SGTA: variants seen among roughly 807,000 people sequenced by gnomAD.
The protein encoded by SGTA is small glutamine-rich tetratricopeptide repeat-containing protein alpha.
Under a neutral mutation model 44.3 loss-of-function variants are expected in SGTA, and 22 were observed. The observed-to-expected ratio is 0.50, with a 90% CI of 0.36 to 0.71. The LOEUF is 0.71. SGTA is among the 30% of genes least tolerant of loss of function. The probability of loss-of-function intolerance (pLI) is 0.00; values close to 1 mark genes in which losing one functional copy is unlikely to be tolerated. For synonymous variants in SGTA, 174 were observed against 177.6 expected, an observed-to-expected ratio of 0.98 and a Z score of 0.16; for missense variants, 341 against 435.9, an observed-to-expected ratio of 0.78 and a Z score of 1.94.
rs994700634 is a variant in SGTA, at chr19:2,767,984, T to C, written c.101-298A>G. On this transcript the variant is annotated intron_variant, in intron 2 of 11. Coordinates refer to ENST00000221566, the MANE Select transcript of SGTA (RefSeq NM_003021.4). The surrounding 1 kb of genome is among the most constrained non-coding windows in gnomAD (Gnocchi z 7.3). Reference sequence around the variant, plus strand: ...GGTCCCAATGCTGGGGCTGCCCGGCTGCGGCGTGGTGGGGGCTTGGCCCCA... The same window carrying C: ...GGTCCCAATGCTGGGGCTGCCCGGCCGCGGCGTGGTGGGGGCTTGGCCCCA... Among the ~76,000 whole-genome samples the C allele has an allele frequency of 5.3e-5, 8 of 152,188 alleles. No individual in the cohort carries two copies. The highest frequency in any genetic ancestry group is 1.9e-4 in the African/African-American group (8 of 41,520).
Position 2,781,852 on chromosome 19 carries a change from TTTTA to T in SGTA, c.-24+1377_-24+1380del, listed in dbSNP as rs1411728272. Among the ~76,000 whole-genome samples the T allele has an allele frequency of 5.3e-5, 8 of 150,858 alleles. No individual in the cohort carries two copies. The East Asian group carries it at 1.2e-3, about 22-fold the overall frequency. Reference sequence around the variant, plus strand: ...CACTGATCTAGGGTAGATTTTTTTTTTTTATTTTTGACAGGGTCTCGCTCTGTCG... The same window carrying T: ...CACTGATCTAGGGTAGATTTTTTTTTTTTTTGACAGGGTCTCGCTCTGTCG... On this transcript the variant is annotated intron_variant, in intron 1 of 11. Transcript: ENST00000221566.
chr19:2,763,786 T>C lies in SGTA; in HGVS notation c.393-29A>G, dbSNP rs774493814. Reference sequence around the variant, plus strand: ...GGGAAGAAAAGGCAGGGCAGGTCCCTCACTGGCGGCTCTGAGCCCAGCGGG... The same window carrying C: ...GGGAAGAAAAGGCAGGGCAGGTCCCCCACTGGCGGCTCTGAGCCCAGCGGG... On this transcript the variant is annotated intron_variant, in intron 5 of 11. Coordinates refer to ENST00000221566, the MANE Select transcript of SGTA (RefSeq NM_003021.4). This position sits in a 1 kb window ranked among gnomAD's most constrained non-coding sequence, Gnocchi z 5.8. The C allele has an allele frequency of 6.3e-7, 1 of 1,592,152 alleles. No individual in the cohort carries two copies. Among genetic ancestry groups the C allele is most frequent in the Non-Finnish European group, 8.6e-7 (1 of 1,164,268 alleles).
rs777274780 is a variant in SGTA at position 2,765,275 on chromosome 19, C to T, written c.303G>A (p.Gln101=). Residue 101 remains glutamine, a synonymous_variant, in exon 5 of 12, where the codon CAG becomes CAA. Transcript: ENST00000221566. The surrounding 1 kb of genome is among the most constrained non-coding windows in gnomAD (Gnocchi z 5.5). ...CAGCTTCAAAGTTTTCCACTTTCAT[C>T]TGCTCGTTTCCTACAGGGAGAGAGG... ...AERLKTEGNE[Q]MKVENFEAAV... is the part of the protein sequence containing the mutation. 5 of 1,611,034 alleles carry T rather than the reference C, an allele frequency of 3.1e-6. No individual in the cohort carries two copies. In the South Asian group the frequency reaches 3.3e-5, roughly 11 times the overall value.
At chr19:2,780,315 G>GC (rs1915543774) in intron 1 of SGTA, among the ~76,000 whole-genome samples, 1 of 152,130 alleles carries the variant, frequency 6.6e-6, no homozygotes, top group Non-Finnish European at 1.5e-5. Context: ...AGAGCCGGGT[G>GC]CCCTGCTCCT....
intron 5 of SGTA, among the ~76,000 whole-genome samples, chr19:2,764,359 C>T (rs564135290): frequency 1.9e-4 from 29 of 152,298 alleles, no homozygotes; most frequent in African/African-American, 4.6e-4. Flanking sequence ...TTGACATCCA[C>T]GTGGAATGCC....
chr19:2,767,802 C>T lies in SGTA; in HGVS notation c.101-116G>A. On this transcript the variant is annotated intron_variant, in intron 2 of 11. Coordinates refer to ENST00000221566, the MANE Select transcript of SGTA (RefSeq NM_003021.4). The surrounding 1 kb of genome is among the most constrained non-coding windows in gnomAD (Gnocchi z 7.3). The stretch of plus-strand genomic sequence containing the variant: ...CCCCAGGTGTGTTCATTCCCAAGGA[C>T]CCCAGAACGCAGGGGCCGCCGCCTG... The T allele has an allele frequency of 2.6e-6, 2 of 765,944 alleles. No individual in the cohort carries two copies. The highest frequency in any genetic ancestry group is 4.5e-6 in the Non-Finnish European group (2 of 442,170). The allele number at this position is 765,944 out of a possible 1,614,324, so 47.4% of individuals were successfully genotyped here. A position where few individuals can be genotyped will look rare whatever the true frequency, so the allele number is the denominator to read the frequency against.
In SGTA at chr19:2,763,130, G is replaced by C. The variant is rs1202354796; in HGVS notation, c.498-486C>G. ...CCCAGGAGGAGGCGGGTCCTGGGGA[G>C]ACTGGGCAGTTGAACAGGGCCCCTC... On this transcript the variant is annotated intron_variant, in intron 6 of 11. Coordinates refer to ENST00000221566, the MANE Select transcript of SGTA (RefSeq NM_003021.4). The surrounding 1 kb of genome is among the most constrained non-coding windows in gnomAD (Gnocchi z 5.8). Among the ~76,000 whole-genome samples the C allele has an allele frequency of 6.6e-6, 1 of 152,178 alleles. No individual in the cohort carries two copies. Among genetic ancestry groups the C allele is most frequent in the East Asian group, 1.9e-4 (1 of 5,174 alleles).
At position 2,761,407 on chromosome 19, in the gene SGTA, G is replaced by A; in HGVS notation, c.699+53C>T. The stretch of plus-strand genomic sequence containing the variant: ...GCCAGTAGCGGACACAGCAGATGCG[G>A]GCCTGGGGGGTGGCGCAGACACCAT... On this transcript the variant is annotated intron_variant, in intron 8 of 11. Coordinates refer to ENST00000221566, the MANE Select transcript of SGTA (RefSeq NM_003021.4). The surrounding 1 kb of genome is among the most constrained non-coding windows in gnomAD (Gnocchi z 5.7). 6.9e-7 allele frequency: 1 copy of A among 1,459,230 alleles called. No homozygotes were observed. Among genetic ancestry groups the A allele is most frequent in the South Asian group, 1.2e-5 (1 of 82,230 alleles). The allele number at this position is 1,459,230 out of a possible 1,614,324, so 90.4% of individuals were successfully genotyped here. A position where few individuals can be genotyped will look rare whatever the true frequency, so the allele number is the denominator to read the frequency against.
In SGTA at chr19:2,762,572, G is replaced by A. The variant is rs371637150; in HGVS notation, c.570C>T (p.Pro190=). The change falls in exon 7 of 12, where the codon CCC becomes CCT. Residue 190 remains proline, a synonymous_variant. Coordinates refer to ENST00000221566, the MANE Select transcript of SGTA (RefSeq NM_003021.4). ...GGTTGGACTTGTATGTCTCGTTGTC[G>A]GGGTCCAGCTCCAGAGCCTTCTTGT... ...AYYKKALELD[P]DNETYKSNLK... is the part of the protein sequence containing the mutation. 23 of 1,613,938 alleles carry A rather than the reference G, an allele frequency of 1.4e-5. No individual in the cohort carries two copies. In the Admixed American group the frequency reaches 2.0e-4, roughly 14 times the overall value.
chr19:2,782,546 G>C (rs906792004), intron 1 of SGTA: 2 of 152,204 alleles, frequency 1.3e-5, no homozygotes, highest in Non-Finnish European at 2.9e-5. Context: ...GGAACAGTTT[G>C]CTCAGAGAGG....
At chr19:2,776,175 C>A (rs1333977057) in intron 1 of SGTA, among the ~76,000 whole-genome samples, 1 of 152,224 alleles carries the variant, frequency 6.6e-6, no homozygotes, top group Non-Finnish European at 1.5e-5. Flanking sequence ...TCCTGACCCC[C>A]AAGCCCAAGG....
intron 1 of SGTA, among the ~76,000 whole-genome samples, chr19:2,772,764 A>G (rs115503330): frequency 0.02 from 2,856 of 143,246 alleles, 60 homozygotes; most frequent in African/African-American, 0.078. Flanking sequence ...TGAAGGCAGA[A>G]ATGGGTGACG....
At chr19:2,779,570 C>T (rs938865595) in intron 1 of SGTA, among the ~76,000 whole-genome samples, 1 of 152,200 alleles carries the variant, frequency 6.6e-6, no homozygotes, top group Non-Finnish European at 1.5e-5. Context: ...TGCTGTGTCT[C>T]CCAACAGCGA....
intron 1 of SGTA, among the ~76,000 whole-genome samples, chr19:2,775,911 C>T (rs1915436433): frequency 2.0e-5 from 3 of 152,196 alleles, no homozygotes; most frequent in Non-Finnish European, 2.9e-5. Flanking sequence ...CAGGGAGTTA[C>T]GGTCTTCCTG....
chr19:2,780,852 A>T (rs534061926), intron 1 of SGTA, among the ~76,000 whole-genome samples: 8 of 152,204 alleles, frequency 5.3e-5, no homozygotes, highest in Non-Finnish European at 1.2e-4. Flanking sequence ...TCTGGAGGCC[A>T]AGGTGGAGGA....
chr19:2,783,075 G>A (rs1036649702), intron 1 of SGTA, among the ~76,000 whole-genome samples, 158 bp downstream of exon 1: 1 of 152,224 alleles, frequency 6.6e-6, no homozygotes, highest in Admixed American at 6.5e-5. Context: ...GATGGCGCCC[G>A]GCCTCAGTTT....
At chr19:2,781,224 C>T (rs548764980) in intron 1 of SGTA, among the ~76,000 whole-genome samples, 47 of 152,184 alleles carry the variant, frequency 3.1e-4, no homozygotes, top group Non-Finnish European at 6.2e-4. Context: ...AGAGCTCACC[C>T]GCATTTGGAA....
chr19:2,766,502 G>C (rs920991905), intron 4 of SGTA, among the ~76,000 whole-genome samples: 1 of 151,852 alleles, frequency 6.6e-6, no homozygotes, highest in African/African-American at 2.4e-5. Flanking sequence ...GCGCGATCTG[G>C]ACTCACTGCA....
At chr19:2,764,448 A>T (rs914741691) in intron 5 of SGTA, among the ~76,000 whole-genome samples, 2 of 152,194 alleles carry the variant, frequency 1.3e-5, no homozygotes, top group African/African-American at 4.8e-5. Context: ...CCCAGGCTGG[A>T]GTGCAGTGAC....
Sources: gnomAD v4.1 joint callset for allele counts (sites outside exome capture counted in the v4.1 genomes callset) on GRCh38, gnomAD v4.1.1 for gene constraint, Gnocchi (gnomAD v3.1) non-coding constraint, MANE v1.5 for transcripts, NCBI Gene and HGNC (gene_info 2026-07-23, HGNC 2026-07-21) for gene names.